Variants in TBC1D32 observed in about 807,000 individuals in gnomAD.
TBC1D32 encodes the protein protein broad-minded.
TBC1D32 carries 151 observed loss-of-function variants against 170.3 expected under a neutral mutation model. The ratio of observed to expected loss-of-function variants is 0.89; its 90% confidence interval spans 0.78 to 1.01. The LOEUF (loss-of-function observed/expected upper bound fraction) is 1.01, where lower values mean the gene tolerates loss of function less well. Among genes scored for constraint, TBC1D32 ranks in the 50% least tolerant of loss-of-function variants. TBC1D32 has a pLI of 0.00. For synonymous variants in TBC1D32, 498 were observed against 488.0 expected, an observed-to-expected ratio of 1.02 and a Z score of -0.27; for missense variants, 1,464 against 1,457.1, an observed-to-expected ratio of 1.00 and a Z score of -0.08.
intron 10 of TBC1D32, among the ~76,000 whole-genome samples, chr6:121,295,855 A>G (rs1805552650): frequency 6.6e-6 from 1 of 152,192 alleles, no homozygotes. Flanking sequence ...CTGTCTTTAG[A>G]AAGGCCTCCT....
At chr6:121,327,545 T>C (rs1325219124) in intron 1 of TBC1D32, among the ~76,000 whole-genome samples, 4 of 152,210 alleles carry the variant, frequency 2.6e-5, no homozygotes, top group African/African-American at 9.6e-5. Context: ...CAAAAGGCCC[T>C]TATACTTATC....
chr6:121,088,038 C>T (rs12199344), intron 31 of TBC1D32, among the ~76,000 whole-genome samples: 1,768 of 151,534 alleles, frequency 0.012, 15 homozygotes, highest in Middle Eastern at 0.024. Flanking sequence ...GCGGCCTCGA[C>T]CTCCTGGGCT....
intron 24 of TBC1D32, among the ~76,000 whole-genome samples, chr6:121,145,696 C>T (rs1783339137): frequency 6.6e-6 from 1 of 152,044 alleles, no homozygotes; most frequent in South Asian, 2.1e-4. Flanking sequence ...TATTTCAAAA[C>T]ATGTTGTACA....
intron 20 of TBC1D32, among the ~76,000 whole-genome samples, chr6:121,231,346 T>C (rs973512739): frequency 6.6e-6 from 1 of 152,198 alleles, no homozygotes; most frequent in Admixed American, 6.5e-5. Context: ...GGCAGTTCCA[T>C]ATTTTTGCAA....
intron 1 of TBC1D32, among the ~76,000 whole-genome samples, chr6:121,324,138 T>C (rs1810137379): frequency 6.6e-6 from 1 of 152,136 alleles, no homozygotes; most frequent in South Asian, 2.1e-4. Context: ...AATCCCATAA[T>C]CCCAGAGTCC....
intron 17 of TBC1D32, among the ~76,000 whole-genome samples, chr6:121,249,664 C>T (rs1471992579): frequency 2.0e-5 from 3 of 152,184 alleles, no homozygotes; most frequent in East Asian, 1.9e-4. Context: ...CACTGCTATA[C>T]ATCAGCAACA....
chr6:121,131,705 G>T lies in TBC1D32; in HGVS notation c.2821C>A (p.Gln941Lys). The T allele has an allele frequency of 1.2e-6, 2 of 1,608,946 alleles. No homozygotes were observed. The highest frequency in any genetic ancestry group is 1.7e-6 in the Non-Finnish European group (2 of 1,176,864). The stretch of plus-strand genomic sequence containing the variant: ...TGGCAGTTTTCTATCCATTCAGTTT[G>T]TTTATCAGATATTTTGAGGCATAAT... ...LLLCLKISDKQTEWIENCQRQ... is the reference protein window; with the variant it reads ...LLLCLKISDKKTEWIENCQRQ... Residue 941 changes from glutamine to lysine, a missense_variant, in exon 25 of 32, where the codon CAA becomes AAA. Physicochemically the swap from Gln to Lys is moderately conservative, Grantham distance 53. Around this residue, in one of 3 missense-constraint regions of TBC1D32, gnomAD observed 1,363 missense variants for 1,338.1 expected, o/e 1.02. Coordinates refer to ENST00000398212, the MANE Select transcript of TBC1D32 (RefSeq NM_152730.6).
chr6:121,264,490 A>C (rs1376857428), intron 15 of TBC1D32, among the ~76,000 whole-genome samples: 1 of 152,190 alleles, frequency 6.6e-6, no homozygotes, highest in African/African-American at 2.4e-5. Flanking sequence ...ACAGGTACCA[A>C]GAGGAGCTGG....
At chr6:121,238,148 G>T (rs115191629) in intron 20 of TBC1D32, among the ~76,000 whole-genome samples, 1,887 of 152,000 alleles carry the variant, frequency 0.012, 38 homozygotes, top group African/African-American at 0.043. Flanking sequence ...TATTTTCCAG[G>T]GACCTCCTTT....
chr6:121,201,731 A>T (rs1337578192), intron 22 of TBC1D32, among the ~76,000 whole-genome samples: 2 of 151,126 alleles, frequency 1.3e-5, no homozygotes, highest in Non-Finnish European at 2.9e-5. Flanking sequence ...TTATTTTTAT[A>T]TATCTGCATA....
At chr6:121,297,605 A>G (rs1483417961) in intron 10 of TBC1D32, among the ~76,000 whole-genome samples, 1 of 152,116 alleles carries the variant, frequency 6.6e-6, no homozygotes, top group Non-Finnish European at 1.5e-5. Flanking sequence ...AACAAAGACT[A>G]TCTTAACTTT....
chr6:121,127,439 G>A (rs891757721), intron 25 of TBC1D32, among the ~76,000 whole-genome samples: 7 of 152,210 alleles, frequency 4.6e-5, no homozygotes, highest in Admixed American at 3.3e-4. Context: ...TTTCAAAGTT[G>A]AATAAGTATT....
chr6:121,331,456 G>C (rs936471464), intron 1 of TBC1D32, among the ~76,000 whole-genome samples: 2 of 151,448 alleles, frequency 1.3e-5, no homozygotes, highest in Non-Finnish European at 2.9e-5. Context: ...CTGAACTCAA[G>C]TGATTCACCT....
chr6:121,253,705 C>T (rs1014918862), intron 17 of TBC1D32, among the ~76,000 whole-genome samples: 1 of 151,662 alleles, frequency 6.6e-6, no homozygotes, highest in Admixed American at 6.6e-5. Flanking sequence ...GGCGACAGAG[C>T]GAGATTCCGT....
At chr6:121,240,877 C>CAAAAAAAAAAAAA (rs35249678) in intron 19 of TBC1D32, among the ~76,000 whole-genome samples, 1 of 84,214 alleles carries the variant, frequency 1.2e-5, no homozygotes, top group Non-Finnish European at 2.1e-5. Flanking sequence ...TTCTGTCTCA[C>CAAAAAAAAAAAAA]AAAAAAAAAA....
In TBC1D32 at chr6:121,080,536, T is replaced by C. The variant is rs1005077609; in HGVS notation, c.*235A>G. 6.8e-6 allele frequency: 3 copies of C among 443,280 alleles called. No individual in the cohort carries two copies. In the South Asian group the frequency reaches 1.1e-4, roughly 17 times the overall value. 27.5% of individuals were successfully genotyped at this position (443,280 alleles called of 1,614,324 possible). On this transcript the variant is annotated 3_prime_UTR_variant, in exon 32 of 32. Transcript: ENST00000398212. ...GCCAGGACTAACTCTTAAACATGAA[T>C]AAGAACTAAAAGTAAGCTAGATCTG...
intron 24 of TBC1D32, 135 bp from the exon 25 acceptor site, chr6:121,131,887 T>C: frequency 1.7e-6 from 1 of 572,676 alleles, no homozygotes; most frequent in African/African-American, 1.9e-5. Context: ...GATATTCTTC[T>C]GTAATTACAT....
At chr6:121,244,794 G>T (rs1160809543) in intron 17 of TBC1D32, among the ~76,000 whole-genome samples, 5 of 152,140 alleles carry the variant, frequency 3.3e-5, no homozygotes, top group African/African-American at 1.2e-4. Flanking sequence ...CAATTTGTGG[G>T]AGAGGTCTTT....
intron 15 of TBC1D32, among the ~76,000 whole-genome samples, chr6:121,277,575 T>C (rs1488084243): frequency 2.1e-5 from 3 of 144,474 alleles, no homozygotes; most frequent in Admixed American, 1.4e-4. Context: ...AAAATGAAGA[T>C]ACAACTTATC....
Sources: gnomAD v4.1 joint callset for allele counts (sites outside exome capture counted in the v4.1 genomes callset) on GRCh38, gnomAD v4.1.1 for gene constraint, gnomAD v4.1.1 regional missense constraint, MANE v1.5 for transcripts, NCBI Gene and HGNC (gene_info 2026-07-23, HGNC 2026-07-21) for gene names.